SPATA18: variants seen among roughly 807,000 people sequenced by gnomAD.
SPATA18 encodes spermatogenesis associated 18.
Under a neutral mutation model 68.1 loss-of-function variants are expected in SPATA18, and 54 were observed. The ratio of observed to expected loss-of-function variants is 0.79; its 90% CI spans 0.64 to 0.99. SPATA18 has a LOEUF of 0.99. SPATA18 is among the 50% of genes least tolerant of loss of function. SPATA18 has a pLI of 0.00. For synonymous variants in SPATA18, 242 were observed against 244.8 expected, an observed-to-expected ratio of 0.99 and a Z score of 0.11; for missense variants, 724 against 681.1, an observed-to-expected ratio of 1.06 and a Z score of -0.70.
intron 1 of SPATA18, among the ~76,000 whole-genome samples, chr4:52,052,480 C>T (rs1242838893): frequency 6.6e-6 from 1 of 152,060 alleles, no homozygotes; most frequent in Non-Finnish European, 1.5e-5. Flanking sequence ...CCCCATAATT[C>T]CCCCCTTCCC....
chr4:52,068,910 C>A (rs199942311), intron 4 of SPATA18, among the ~76,000 whole-genome samples: 1 of 152,132 alleles, frequency 6.6e-6, no homozygotes, highest in East Asian at 1.9e-4. Context: ...GTCACCCAGG[C>A]TGAAGTGCAG....
rs538025418 is a variant in SPATA18, at chr4:52,082,583, A to C, written c.1479+73A>C. 1.9e-6 allele frequency: 3 copies of C among 1,612,662 alleles called. No homozygotes were observed. In the East Asian group the frequency reaches 6.7e-5, roughly 36 times the overall value. On this transcript the variant is annotated intron_variant, in intron 10 of 12. Coordinates refer to ENST00000295213, the MANE Select transcript of SPATA18 (RefSeq NM_145263.4). ...CAAGTTCGAGAACATTTATAAACCC[A>C]GAGATTCTATAAAAGAAGTTTATAA...
At position 52,079,817 on chromosome 4, in the gene SPATA18, A is replaced by G. The variant is rs768431098; in HGVS notation, c.1253A>G (p.Asp418Gly). The G allele has an allele frequency of 1.9e-6, 3 of 1,613,936 alleles. No individual in the cohort carries two copies. Among genetic ancestry groups the G allele is most frequent in the South Asian group, 2.2e-5 (2 of 91,064 alleles). ...GTCGTTGACTTTTGCCTTCTCAGTG[A>G]CTTCATCCAGGAGATATGTTGCATT... ...PPVVDFCLLS[D>G]FIQEICCIAF... is the part of the protein sequence containing the mutation. Residue 418 changes from aspartate to glycine, a missense_variant, in exon 9 of 13, where the codon GAC (aspartate) becomes GGC (glycine). Asp to Gly is a moderately conservative substitution (Grantham distance 94). Transcript: ENST00000295213.
Position 52,096,623 on chromosome 4 carries a change from T to A in SPATA18, c.*1736T>A, listed in dbSNP as rs1472971140. On this transcript the variant is annotated 3_prime_UTR_variant, in exon 13 of 13. Transcript: ENST00000295213. ...AACCACCCTAGAAGATAAAATTAAG[T>A]CATTAGATGGCTGAACCTGCATGTA... 6.6e-6 allele frequency: 1 copy of A among 152,060 alleles called. No individual in the cohort carries two copies. The highest frequency in any genetic ancestry group is 1.5e-5 in the Non-Finnish European group (1 of 68,026). 9.4% of individuals were successfully genotyped at this position (152,060 alleles called of 1,614,324 possible).
chr4:52,072,557 C>T (rs1739953987), intron 6 of SPATA18, among the ~76,000 whole-genome samples: 1 of 152,128 alleles, frequency 6.6e-6, no homozygotes, highest in Non-Finnish European at 1.5e-5. Flanking sequence ...CATACACCAC[C>T]ATGCTCGGTT....
chr4:52,062,139 G>T, intron 3 of SPATA18, 81 bp from the exon 4 acceptor site: 1 of 813,606 alleles, frequency 1.2e-6, no homozygotes, highest in Non-Finnish European at 2.0e-6. Flanking sequence ...CTTTTGAGTT[G>T]GGCTGTTTTT....
chr4:52,067,431 C>T (rs1578163857), intron 4 of SPATA18, among the ~76,000 whole-genome samples: 1 of 152,134 alleles, frequency 6.6e-6, no homozygotes, highest in Non-Finnish European at 1.5e-5. Context: ...CCAGGGCTCT[C>T]ATAACACCCC....
intron 11 of SPATA18, among the ~76,000 whole-genome samples, chr4:52,093,845 G>T (rs1234710000): frequency 2.0e-5 from 3 of 152,150 alleles, no homozygotes; most frequent in African/African-American, 7.2e-5. Context: ...AGGTATCACT[G>T]CAGTCAACTT....
chr4:52,061,782 A>G (rs1738880063), intron 3 of SPATA18, among the ~76,000 whole-genome samples: 1 of 152,192 alleles, frequency 6.6e-6, no homozygotes, highest in Admixed American at 6.5e-5. Context: ...TAAGTACTTT[A>G]TAGACTTCAG....
intron 1 of SPATA18, among the ~76,000 whole-genome samples, chr4:52,057,947 A>G (rs759134316): frequency 4.6e-5 from 7 of 152,256 alleles, no homozygotes; most frequent in Non-Finnish European, 1.0e-4. Context: ...AACTGTGGCA[A>G]GCAGCAGAGC....
At position 52,054,524 on chromosome 4, in the gene SPATA18, G is replaced by A. The variant is rs151200444; in HGVS notation, c.87+2733G>A. On this transcript the variant is annotated intron_variant, in intron 1 of 12. Coordinates refer to ENST00000295213, the MANE Select transcript of SPATA18 (RefSeq NM_145263.4). ...CAGGTAATATTCACGAAGGGGGAACGCTCACAAGCATAGTAAGCAAACATG... is the reference window on the plus strand; with the variant it reads ...CAGGTAATATTCACGAAGGGGGAACACTCACAAGCATAGTAAGCAAACATG... Among the ~76,000 whole-genome samples, 31 of 152,224 alleles carry A rather than the reference G, an allele frequency of 2.0e-4. No homozygotes were observed. The East Asian group carries it at 5.0e-3, about 25-fold the overall frequency.
rs765629373 is a variant in SPATA18 at position 52,079,853 on chromosome 4, T to C, written c.1289T>C (p.Met430Thr). The change falls in exon 9 of 13, where the codon ATG becomes ACG. Residue 430 changes from methionine (M) to threonine (T), a missense_variant. Physicochemically the swap from Met to Thr is moderately conservative, Grantham distance 81. Coordinates refer to ENST00000295213, the MANE Select transcript of SPATA18 (RefSeq NM_145263.4). The stretch of plus-strand genomic sequence containing the variant: ...GAGATATGTTGCATTGCCTTTGCAA[T>C]GCAGGCCTTAGAACCACCCCTAGAT... ...IQEICCIAFAMQALEPPLDIA... is the reference protein window; with the variant it reads ...IQEICCIAFATQALEPPLDIA... The C allele has an allele frequency of 6.2e-7, 1 of 1,614,004 alleles. No individual in the cohort carries two copies. Among genetic ancestry groups the C allele is most frequent in the Non-Finnish European group, 8.5e-7 (1 of 1,179,966 alleles).
rs1389659753 is a variant in SPATA18, at chr4:52,071,911, G to C, written c.519-6G>C. The C allele has an allele frequency of 1.2e-6, 2 of 1,612,288 alleles. No homozygotes were observed. The highest frequency in any genetic ancestry group is 1.7e-5 in the Admixed American group (1 of 59,868). ...CCTTCCTCTGCCCTCTCTCTTTGCTGTTCAGGCTTAAATCTCTTCAAGCTC... is the reference window on the plus strand; with the variant it reads ...CCTTCCTCTGCCCTCTCTCTTTGCTCTTCAGGCTTAAATCTCTTCAAGCTC... On this transcript the variant is annotated splice_region_variant and splice_polypyrimidine_tract_variant and intron_variant, in intron 5 of 12. Coordinates refer to ENST00000295213, the MANE Select transcript of SPATA18 (RefSeq NM_145263.4).
chr4:52,076,973 A>G lies in SPATA18; in HGVS notation c.953A>G (p.Gln318Arg). Residue 318 changes from glutamine (Q) to arginine (R), a missense_variant, in exon 7 of 13, where the codon CAG becomes CGG. By Grantham distance (43) the Gln-to-Arg change is conservative (BLOSUM62 1). Coordinates refer to ENST00000295213, the MANE Select transcript of SPATA18 (RefSeq NM_145263.4). ...TATTCCCAGGCCCGCCTGGACGCGCAGTGCCTGCTGCGGCGCTGCATCGAC... is the reference window on the plus strand; with the variant it reads ...TATTCCCAGGCCCGCCTGGACGCGCGGTGCCTGCTGCGGCGCTGCATCGAC... ...DSYSQARLDA[Q>R]CLLRRCIDKA... 1.2e-6 allele frequency: 2 copies of G among 1,613,930 alleles called. No individual in the cohort carries two copies. The highest frequency in any genetic ancestry group is 1.7e-6 in the Non-Finnish European group (2 of 1,179,950).
At chr4:52,059,832 G>C (rs1191962597) in intron 1 of SPATA18, among the ~76,000 whole-genome samples, 1 of 152,216 alleles carries the variant, frequency 6.6e-6, no homozygotes, top group Non-Finnish European at 1.5e-5. Flanking sequence ...AATTTATGTA[G>C]AGGACAGGAA....
chr4:52,051,516 A>G lies in SPATA18; in HGVS notation c.-189A>G. On this transcript the variant is annotated 5_prime_UTR_variant, in exon 1 of 13. Transcript: ENST00000295213. Reference sequence around the variant, plus strand: ...AGGCGCGGCGGCTGCGGCCCAGGGCACCTCCCCTCTGGCTTCCCGAACCCG... The same window carrying G: ...AGGCGCGGCGGCTGCGGCCCAGGGCGCCTCCCCTCTGGCTTCCCGAACCCG... 1.6e-6 allele frequency: 1 copy of G among 607,030 alleles called. No homozygotes were observed. Among genetic ancestry groups the G allele is most frequent in the South Asian group, 2.0e-5 (1 of 49,506 alleles). 37.6% of individuals were successfully genotyped at this position (607,030 alleles called of 1,614,324 possible). A position where few individuals can be genotyped will look rare whatever the true frequency, so the allele number is the denominator to read the frequency against.
At chr4:52,085,111 A>G (rs1324661807) in intron 11 of SPATA18, 112 bp downstream of exon 11, 1 of 740,550 alleles carries the variant, frequency 1.4e-6, no homozygotes, top group Non-Finnish European at 2.2e-6. Flanking sequence ...TGGAAAGAGA[A>G]CCTGTTGCAA....
rs375544846 is a variant in SPATA18, at chr4:52,072,445, C to T, written c.758+289C>T. ...TGAGACAGAGTCCCGCTCTGTCACC[C>T]AGGCTGGAGTGCAATGGCATGATCT... On this transcript the variant is annotated intron_variant, in intron 6 of 12. Transcript: ENST00000295213. Among the ~76,000 whole-genome samples the T allele has an allele frequency of 1.7e-3, 258 of 152,226 alleles. 8 individuals are homozygous for T. In the South Asian group the frequency reaches 0.051, roughly 30 times the overall value.
chr4:52,086,059 C>T (rs955677686), intron 11 of SPATA18, among the ~76,000 whole-genome samples: 4 of 152,120 alleles, frequency 2.6e-5, no homozygotes, highest in Non-Finnish European at 5.9e-5. Context: ...ATGTGCTGTT[C>T]CTCCAAATAA....
Sources: allele counts gnomAD v4.1 joint callset (sites outside exome capture counted in the v4.1 genomes callset), GRCh38; gene constraint gnomAD v4.1.1; transcripts MANE v1.5; gene names NCBI Gene and HGNC (gene_info 2026-07-23, HGNC 2026-07-21).